The following IL1RL1 variants were observed in gnomAD, a reference collection of about 807,000 sequenced individuals.
The protein encoded by IL1RL1 is interleukin-1 receptor-like 1.
A neutral mutation model predicts 50.9 loss-of-function variants in IL1RL1; 32 were observed. That is an observed-to-expected ratio of 0.63 (90% confidence interval 0.47 to 0.84). The LOEUF (loss-of-function observed/expected upper bound fraction) is 0.84. IL1RL1 is among the 40% of genes least tolerant of loss of function. The pLI, the probability that IL1RL1 is intolerant of heterozygous loss-of-function variation, is 0.00. For synonymous variants in IL1RL1, 275 were observed against 236.0 expected, an observed-to-expected ratio of 1.17 and a Z score of -1.51; for missense variants, 773 against 662.9, an observed-to-expected ratio of 1.17 and a Z score of -1.82.
intron 3 of IL1RL1, chr2:102,339,255 A>T: frequency 1.9e-6 from 1 of 514,084 alleles, no homozygotes; most frequent in Non-Finnish European, 3.5e-6. Context: ...TTGGATTTAC[A>T]GTTGCAGGGA....
chr2:102,348,569 G>A (rs1048482853), intron 9 of IL1RL1, among the ~76,000 whole-genome samples: 1 of 152,166 alleles, frequency 6.6e-6, no homozygotes. Flanking sequence ...AGTTCTGCCT[G>A]CTAGATGCAA....
At chr2:102,340,060 C>A (rs115325664) in intron 3 of IL1RL1, 38 bp from the exon 4 acceptor site, 5 of 1,293,422 alleles carry the variant, frequency 3.9e-6, no homozygotes, top group Non-Finnish European at 5.2e-6. Context: ...TTTCACAATG[C>A]TAAGTGACTC....
chr2:102,312,004 T>TATATATAATATATA (rs1559592242), intron 1 of IL1RL1, among the ~76,000 whole-genome samples: 2 of 34,006 alleles, frequency 5.9e-5, no homozygotes, highest in South Asian at 6.6e-4. Context: ...ATAATATATT[T>TATATATAATATATA]ATATATATTA....
chr2:102,318,854 G>A (rs984219717), intron 1 of IL1RL1, among the ~76,000 whole-genome samples: 1 of 152,126 alleles, frequency 6.6e-6, no homozygotes, highest in Non-Finnish European at 1.5e-5. Flanking sequence ...GGTGGTAATT[G>A]ACGATATTGA....
intron 5 of IL1RL1, chr2:102,341,311 T>A: frequency 8.1e-7 from 1 of 1,241,728 alleles, no homozygotes; most frequent in Non-Finnish European, 1.0e-6. Context: ...TGTCGAGTGG[T>A]TTTTAATCTT....
intron 9 of IL1RL1, among the ~76,000 whole-genome samples, chr2:102,348,734 G>A (rs531836587): frequency 1.3e-5 from 2 of 152,216 alleles, no homozygotes; most frequent in East Asian, 3.9e-4. Context: ...CTTCCCCAGG[G>A]GAGTATGGGG....
intron 8 of IL1RL1, among the ~76,000 whole-genome samples, chr2:102,346,898 G>A (rs1677800457): frequency 6.6e-6 from 1 of 152,186 alleles, no homozygotes; most frequent in African/African-American, 2.4e-5. Flanking sequence ...AACCGTATCA[G>A]CAAATCTCAT....
At chr2:102,348,985 A>G (rs74672155) in intron 9 of IL1RL1, 94 bp from the exon 10 acceptor site, 1 of 911,626 alleles carries the variant, frequency 1.1e-6, no homozygotes, top group Non-Finnish European at 1.8e-6. Flanking sequence ...ACATTCACCA[A>G]CAGCCATAAA....
chr2:102,337,682 C>T (rs1239596224), intron 1 of IL1RL1, among the ~76,000 whole-genome samples: 1 of 152,126 alleles, frequency 6.6e-6, no homozygotes, highest in Admixed American at 6.6e-5. Flanking sequence ...TTTGTGATGA[C>T]TACTTGCACA....
In IL1RL1 at chr2:102,338,927, CACAA is replaced by C. The variant is rs757810551; in HGVS notation, c.162_165del (p.Asn54LysfsTer18). The C allele has an allele frequency of 3.7e-6, 6 of 1,613,746 alleles. No homozygotes were observed. The highest frequency in any genetic ancestry group is 1.1e-5 in the South Asian group (1 of 91,064). ...AGTTACACCGTGGATTGGTATTACT[CACAA>C]ACAAACAAAAGTATTCCCACTCAGG... On this transcript the variant is annotated frameshift_variant, in exon 3 of 11. Coordinates refer to ENST00000233954, the MANE Select transcript of IL1RL1 (RefSeq NM_016232.5). LOFTEE classifies it high-confidence loss of function.
intron 1 of IL1RL1, among the ~76,000 whole-genome samples, chr2:102,325,344 C>T (rs1182718463): frequency 6.6e-6 from 1 of 152,108 alleles, no homozygotes. Flanking sequence ...CACCAAAACC[C>T]CATCTGTATG....
chr2:102,334,891 TG>T (rs1204148296), intron 1 of IL1RL1, among the ~76,000 whole-genome samples: 5 of 152,362 alleles, frequency 3.3e-5, no homozygotes, highest in East Asian at 1.9e-4. Context: ...CATAAGGTTT[TG>T]TTTGTTCTTT....
chr2:102,351,736 C>G lies in IL1RL1; in HGVS notation c.1486C>G (p.Leu496Val), dbSNP rs1559609352. 1 of 1,613,930 alleles carries G rather than the reference C, an allele frequency of 6.2e-7. No individual in the cohort carries two copies. Among genetic ancestry groups the G allele is most frequent in the Admixed American group, 1.7e-5 (1 of 59,996 alleles). ...GCTGGACATGCTGCAGGCTGAGGCGCTTCAGGACTCCCTCCAGCATCTTAT... is the reference window on the plus strand; with the variant it reads ...GCTGGACATGCTGCAGGCTGAGGCGGTTCAGGACTCCCTCCAGCATCTTAT... The part of the protein sequence containing the change: ...SELDMLQAEA[L>V]QDSLQHLMKV... The change falls in exon 11 of 11, where the codon CTT becomes GTT. Residue 496 changes from leucine (L) to valine (V), a missense_variant. Coordinates refer to ENST00000233954, the MANE Select transcript of IL1RL1 (RefSeq NM_016232.5).
chr2:102,348,909 T>C (rs936538112), intron 9 of IL1RL1, among the ~76,000 whole-genome samples, 170 bp from the exon 10 acceptor site: 1 of 152,202 alleles, frequency 6.6e-6, no homozygotes, highest in South Asian at 2.1e-4. Context: ...TATTTCCTGA[T>C]AGTGTTTTGT....
chr2:102,351,427 T>G (rs1191516189), intron 10 of IL1RL1, 109 bp from the exon 11 acceptor site: 2 of 977,226 alleles, frequency 2.0e-6, no homozygotes, highest in Non-Finnish European at 3.0e-6. Flanking sequence ...TGACTTGATG[T>G]CAGAGAATCT....
At chr2:102,349,555 C>T (rs1677876234) in intron 10 of IL1RL1, among the ~76,000 whole-genome samples, 1 of 152,118 alleles carries the variant, frequency 6.6e-6, no homozygotes, top group African/African-American at 2.4e-5. Flanking sequence ...GATAACTCTG[C>T]CACTTCTTAA....
chr2:102,337,666 A>G (rs1243581105), intron 1 of IL1RL1, among the ~76,000 whole-genome samples: 1 of 152,148 alleles, frequency 6.6e-6, no homozygotes, highest in Non-Finnish European at 1.5e-5. Flanking sequence ...GCTACTCCTT[A>G]GTTGCTTTGT....
In IL1RL1 at chr2:102,329,898, A is replaced by C. The variant is rs371786572; in HGVS notation, c.-149-8218A>C. 3.3e-5 allele frequency among the ~76,000 whole-genome samples: 5 copies of C among 152,340 alleles called. No individual in the cohort carries two copies. The South Asian group carries it at 6.2e-4, about 19-fold the overall frequency. On this transcript the variant is annotated intron_variant, in intron 1 of 10. Transcript: ENST00000233954. ...ACTTTTACACCGTTGGTGGGACTGTAAACTAGTTCAACCATTGTGGAAGTC... is the reference window on the plus strand; with the variant it reads ...ACTTTTACACCGTTGGTGGGACTGTCAACTAGTTCAACCATTGTGGAAGTC...
chr2:102,313,149 A>G (rs1676569755), intron 1 of IL1RL1: 1 of 152,114 alleles, frequency 6.6e-6, no homozygotes. Flanking sequence ...ATGTCTTTAA[A>G]TCTTGAGTTT....
Sources: allele counts gnomAD v4.1 joint callset (sites outside exome capture counted in the v4.1 genomes callset), GRCh38; gene constraint gnomAD v4.1.1; transcripts MANE v1.5; gene names NCBI Gene and HGNC (gene_info 2026-07-23, HGNC 2026-07-21).